The following EBP variants were observed in gnomAD, a reference collection of about 807,000 sequenced individuals.
EBP encodes 3-beta-hydroxysteroid-Delta(8),Delta(7)-isomerase.
In EBP, 1 loss-of-function variant was observed where a neutral mutation model predicts 14.1. The observed-to-expected ratio is 0.07, with a 90% confidence interval of 0.03 to 0.34. EBP has a LOEUF of 0.34. EBP is among the 10% of genes least tolerant of loss of function. EBP has a pLI of 0.99. For synonymous variants in EBP, 72 were observed against 77.7 expected, an observed-to-expected ratio of 0.93 and a Z score of 0.38; for missense variants, 123 against 184.6, an observed-to-expected ratio of 0.67 and a Z score of 1.93.
Position 48,527,136 on chromosome X carries a change from C to T in EBP, c.339-19C>T, listed in dbSNP as rs782487869. 2.5e-6 allele frequency: 3 copies of T among 1,210,068 alleles called. No individual in the cohort carries two copies. Among genetic ancestry groups the T allele is most frequent in the South Asian group, 1.8e-5 (1 of 56,832 alleles). On this transcript the variant is annotated intron_variant, in intron 3 of 4. Coordinates refer to ENST00000495186, the MANE Select transcript of EBP (RefSeq NM_006579.3). ...AAGAGCACACCGATACCAGTGTCCCCTCATGCTTTCTCCTGCAGGGGTGAC... is the reference window on the plus strand; with the variant it reads ...AAGAGCACACCGATACCAGTGTCCCTTCATGCTTTCTCCTGCAGGGGTGAC...
chrX:48,525,089 C>A (rs1208750759), intron 2 of EBP, among the ~76,000 whole-genome samples: 1 of 112,091 alleles, frequency 8.9e-6, no homozygotes, highest in Non-Finnish European at 1.9e-5. Context: ...CACTAAGTTT[C>A]CCCAAACGCT....
intron 1 of EBP, among the ~76,000 whole-genome samples, chrX:48,523,233 C>T (rs1055739175): frequency 4.5e-5 from 5 of 111,913 alleles, no homozygotes; most frequent in African/African-American, 6.5e-5. Context: ...TTACCTGCCA[C>T]GGTGCCTGGC....
intron 1 of EBP, 103 bp from the exon 2 acceptor site, chrX:48,523,596 T>A: frequency 9.0e-6 from 4 of 444,557 alleles, no homozygotes; most frequent in East Asian, 4.2e-5. Flanking sequence ...AGTGTTACAA[T>A]CCTGTCTGTT....
chrX:48,522,117 G>T (rs1245288716), intron 1 of EBP: 1 of 111,904 alleles, frequency 8.9e-6, no homozygotes, highest in South Asian at 3.7e-4. Context: ...TTCTGGTTCG[G>T]ATTGACCGGC....
Position 48,523,937 on chromosome X carries a change from G to A in EBP, c.166G>A (p.Val56Ile). ...TWLLSGRAAV[V>I]PLGTWRRLSL... ...GCTGTTGTCAGGTCGTGCTGCGGTT[G>A]TCCCATTGGGGACTTGGCGGCGACT... Residue 56 changes from valine (V) to isoleucine (I), a missense_variant, in exon 2 of 5, where the codon GTC becomes ATC. Val to Ile is a conservative substitution (Grantham distance 29, BLOSUM62 3). Transcript: ENST00000495186. 8.3e-7 allele frequency: 1 copy of A among 1,211,709 alleles called. No individual in the cohort carries two copies. Among genetic ancestry groups the A allele is most frequent in the Non-Finnish European group, 1.1e-6 (1 of 895,547 alleles).
intron 2 of EBP, chrX:48,524,815 A>C (rs2061774402): frequency 9.2e-6 from 1 of 108,492 alleles, no homozygotes; most frequent in Admixed American, 9.8e-5. Flanking sequence ...CAGCCTCCCC[A>C]GTAGCTGGGA....
chrX:48,527,198 C>T lies in EBP; in HGVS notation c.382C>T (p.Leu128=), dbSNP rs142881014. ...TVCMETITAC[L]WGPLSLWVVI... ...GTGCATGGAAACCATCACAGCTTGC[C>T]TGTGGGGACCACTCAGCCTGTGGGT... Residue 128 remains leucine, a synonymous_variant, in exon 4 of 5, where the codon CTG becomes TTG. Coordinates refer to ENST00000495186, the MANE Select transcript of EBP (RefSeq NM_006579.3). 1,566 of 1,210,037 alleles carry T rather than the reference C, an allele frequency of 1.3e-3. 4 individuals are homozygous for T. The highest frequency in any genetic ancestry group is 6.8e-3 in the African/African-American group (391 of 57,159).
In EBP at chrX:48,527,021, A is replaced by C; in HGVS notation, c.334A>C (p.Ile112Leu). 3 of 1,211,427 alleles carry C rather than the reference A, an allele frequency of 2.5e-6. No homozygotes were observed. The highest frequency in any genetic ancestry group is 3.4e-6 in the Non-Finnish European group (3 of 895,351). ...KEYAKGDSRY[I>L]LGDNFTVCME... ...GTATGCCAAGGGAGACAGCCGATACATCCTGTAAGTGTTTGCCTCTGTCAA... is the reference window on the plus strand; with the variant it reads ...GTATGCCAAGGGAGACAGCCGATACCTCCTGTAAGTGTTTGCCTCTGTCAA... Residue 112 changes from isoleucine (I) to leucine (L), a missense_variant, in exon 3 of 5, where the codon ATC (isoleucine) becomes CTC (leucine). Physicochemically the swap from Ile to Leu is conservative, Grantham distance 5. Coordinates refer to ENST00000495186, the MANE Select transcript of EBP (RefSeq NM_006579.3).
At chrX:48,525,500 C>G (rs781925749) in intron 2 of EBP, among the ~76,000 whole-genome samples, 1 of 110,452 alleles carries the variant, frequency 9.1e-6, no homozygotes, top group Non-Finnish European at 1.9e-5. Flanking sequence ...TCCCTAGTAG[C>G]TGGGATTATA....
intron 3 of EBP, 58 bp from the exon 4 acceptor site, chrX:48,527,097 G>A: frequency 1.7e-6 from 2 of 1,211,683 alleles, no homozygotes; most frequent in Non-Finnish European, 2.2e-6. Flanking sequence ...AGCACTAATG[G>A]GCTAACCTGT....
intron 4 of EBP, chrX:48,527,665 G>A (rs1009871552): frequency 5.8e-5 from 13 of 222,891 alleles, no homozygotes; most frequent in African/African-American, 3.7e-4. Context: ...GAGTGCTATG[G>A]TGTGATCTCG....
At chrX:48,524,096 G>A (rs2061772216) in intron 2 of EBP, 24 bp downstream of exon 2, 1 of 1,196,600 alleles carries the variant, frequency 8.4e-7, no homozygotes, top group Non-Finnish European at 1.1e-6. Context: ...TCTTTCATAT[G>A]CTGTGGGATG....
chrX:48,523,955 C>T lies in EBP; in HGVS notation c.184C>T (p.Arg62Trp), dbSNP rs372974717. 8.3e-7 allele frequency: 1 copy of T among 1,211,293 alleles called. No homozygotes were observed. The highest frequency in any genetic ancestry group is 1.8e-5 in the South Asian group (1 of 56,957). Residue 62 changes from arginine (R) to tryptophan (W), a missense_variant, in exon 2 of 5, where the codon CGG becomes TGG. Arg to Trp is a moderately radical substitution (Grantham distance 101). Coordinates refer to ENST00000495186, the MANE Select transcript of EBP (RefSeq NM_006579.3). ...TGCGGTTGTCCCATTGGGGACTTGG[C>T]GGCGACTGTCCCTGTGCTGGTTTGC... ...RAAVVPLGTW[R>W]RLSLCWFAVC... is the part of the protein sequence containing the mutation.
Position 48,528,567 on chromosome X carries a change from A to G in EBP, c.*110A>G. 8.2e-6 allele frequency: 6 copies of G among 731,205 alleles called. No individual in the cohort carries two copies. Among genetic ancestry groups the G allele is most frequent in the Non-Finnish European group, 1.2e-5 (6 of 487,175 alleles). The allele number at this position is 731,205 out of a possible 1,213,427, so 60.3% of individuals were successfully genotyped here. ...GGGACAAAGCTAATTGATCTGTCAC[A>G]CTCAGGCTCATGGGCAGGCACAAGA... On this transcript the variant is annotated 3_prime_UTR_variant, in exon 5 of 5. Coordinates refer to ENST00000495186, the MANE Select transcript of EBP (RefSeq NM_006579.3).
rs782380458 is a variant in EBP at position 48,527,251 on chromosome X, C to T, written c.435C>T (p.Pro145=). 19 of 1,209,588 alleles carry T rather than the reference C, an allele frequency of 1.6e-5. No individual in the cohort carries two copies. The Admixed American group carries it at 2.2e-4, about 14-fold the overall frequency. ...TGATCGCCTTTCTCCGCCAGCATCC[C>T]CTCCGCTTCATTCTACAGCTTGTGG... The part of the protein sequence containing the change: ...WVVIAFLRQH[P]LRFILQLVVS... The change falls in exon 4 of 5, where the codon CCC becomes CCT. Residue 145 remains proline, a synonymous_variant. Transcript: ENST00000495186.
chrX:48,527,684 C>T (rs782461149), intron 4 of EBP: 7 of 199,008 alleles, frequency 3.5e-5, no homozygotes, highest in Non-Finnish European at 6.4e-5. Flanking sequence ...CGGCTCACTG[C>T]AACCTCCACC....
intron 1 of EBP, 103 bp downstream of exon 1, chrX:48,522,010 C>CCG (rs1556976660): frequency 9.1e-6 from 1 of 109,525 alleles, no homozygotes; most frequent in Non-Finnish European, 1.9e-5. Flanking sequence ...CCCGCCCCCC[C>CCG]CACCGCCCTT....
At chrX:48,527,394 G>A (rs1412820298) in intron 4 of EBP, 109 bp downstream of exon 4, 2 of 1,136,953 alleles carry the variant, frequency 1.8e-6, no homozygotes, top group Non-Finnish European at 2.4e-6. Context: ...CCCTTCCAGG[G>A]GTAAGTCAGA....
rs2061785964 is a variant in EBP, at chrX:48,528,544, G to A, written c.*87G>A. 4 of 877,837 alleles carry A rather than the reference G, an allele frequency of 4.6e-6. No individual in the cohort carries two copies. The African/African-American group carries it at 5.9e-5, about 13-fold the overall frequency. The allele number at this position is 877,837 out of a possible 1,213,427, so 72.3% of individuals were successfully genotyped here. A position where few individuals can be genotyped will look rare whatever the true frequency, so the allele number is the denominator to read the frequency against. ...TAGTCCTGCTCCCACAGTTTGGAGG[G>A]ACAAAGCTAATTGATCTGTCACACT... On this transcript the variant is annotated 3_prime_UTR_variant, in exon 5 of 5. Transcript: ENST00000495186.
Sources: allele counts gnomAD v4.1 joint callset (sites outside exome capture counted in the v4.1 genomes callset), GRCh38; gene constraint gnomAD v4.1.1; transcripts MANE v1.5; gene names NCBI Gene and HGNC (gene_info 2026-07-23, HGNC 2026-07-21).